The following ZBTB20 variants were observed in gnomAD, a reference collection of about 807,000 sequenced individuals.
ZBTB20 encodes the protein zinc finger and BTB domain-containing protein 20.
In ZBTB20, 9 loss-of-function variants were observed where a neutral mutation model predicts 56.9. That is an observed-to-expected ratio of 0.16 (90% CI 0.10 to 0.28). The LOEUF is 0.28. Ranked by LOEUF, ZBTB20 falls within the 10% of genes least tolerant of loss-of-function variation. The pLI, the probability that ZBTB20 is intolerant of heterozygous loss-of-function variation, is 1.00. For missense variants in ZBTB20, 655 were observed against 1,003.0 expected (o/e 0.65, Z 4.69); for synonymous variants, 417 against 420.7 (o/e 0.99, Z 0.11).
chr3:114,538,469 T>C (rs1185954653), intron 6 of ZBTB20, among the ~76,000 whole-genome samples: 1 of 152,154 alleles, frequency 6.6e-6, no homozygotes, highest in Non-Finnish European at 1.5e-5. Context: ...AGCTCTAACA[T>C]CTTAAATTTT....
chr3:114,798,134 T>TG (rs2071446549), intron 5 of ZBTB20, among the ~76,000 whole-genome samples: 1 of 151,832 alleles, frequency 6.6e-6, no homozygotes, highest in South Asian at 2.1e-4. Flanking sequence ...TACACACCCT[T>TG]GGGAAGTTTG....
intron 6 of ZBTB20, among the ~76,000 whole-genome samples, chr3:114,598,632 G>C (rs1391230035): frequency 3.3e-5 from 5 of 152,006 alleles, no homozygotes; most frequent in African/African-American, 1.2e-4. Context: ...TATTCTGTTT[G>C]AATTCTTCAA....
chr3:114,463,898 T>C (rs2092431279), intron 7 of ZBTB20, among the ~76,000 whole-genome samples: 1 of 152,330 alleles, frequency 6.6e-6, no homozygotes, highest in East Asian at 1.9e-4. Context: ...GTAAGTCCTC[T>C]AAAATGGAAG....
chr3:114,545,523 C>A (rs2049773412), intron 6 of ZBTB20, among the ~76,000 whole-genome samples: 1 of 152,130 alleles, frequency 6.6e-6, no homozygotes. Context: ...CTTTAAGCAA[C>A]AATTTTCTCA....
intron 5 of ZBTB20, among the ~76,000 whole-genome samples, chr3:114,754,416 G>C (rs933667209): frequency 1.3e-5 from 2 of 152,126 alleles, no homozygotes; most frequent in African/African-American, 2.4e-5. Context: ...CTGTGGGGAG[G>C]AGGAAGACCC....
Position 114,351,263 on chromosome 3 carries a change from G to T in ZBTB20, c.815C>A (p.Thr272Asn). ...YSGAVVSHHE[T>N]ALGLPRDHHM... ...GTGGTCGCGGGGCAGGCCGAGCGCA[G>T]TCTCGTGGTGGCTGACCACTGCGCC... The change falls in exon 11 of 12, where the codon ACT becomes AAT. Residue 272 changes from threonine (T) to asparagine (N), a missense_variant. Physicochemically the swap from Thr to Asn is moderately conservative, Grantham distance 65. Around this residue, in one of 10 missense-constraint regions of ZBTB20, gnomAD observed 167 missense variants for 281.9 expected, o/e 0.59. Transcript: ENST00000675478. 1 of 1,601,854 alleles carries T rather than the reference G, an allele frequency of 6.2e-7. No individual in the cohort carries two copies. The highest frequency in any genetic ancestry group is 8.5e-7 in the Non-Finnish European group (1 of 1,178,686).
At chr3:114,986,040 C>A (rs2078525386) in intron 2 of ZBTB20, among the ~76,000 whole-genome samples, 1 of 151,954 alleles carries the variant, frequency 6.6e-6, no homozygotes, top group South Asian at 2.1e-4. Flanking sequence ...ATCAGTGAAG[C>A]CTCCAAAGTT....
chr3:114,822,570 G>A (rs1290176141), intron 4 of ZBTB20, among the ~76,000 whole-genome samples: 1 of 151,906 alleles, frequency 6.6e-6, no homozygotes, highest in Non-Finnish European at 1.5e-5. Context: ...ATCAAAAATA[G>A]AACAAGCAAA....
intron 7 of ZBTB20, among the ~76,000 whole-genome samples, chr3:114,473,849 G>C (rs1367105766): frequency 6.6e-6 from 1 of 152,148 alleles, no homozygotes; most frequent in Non-Finnish European, 1.5e-5. Flanking sequence ...AGAGAAGTAA[G>C]AGGTACAGTG....
intron 7 of ZBTB20, among the ~76,000 whole-genome samples, chr3:114,485,229 T>C (rs1040350643): frequency 7.2e-5 from 11 of 152,194 alleles, no homozygotes; most frequent in African/African-American, 2.7e-4. Flanking sequence ...TTTACAAAAA[T>C]ACTTTTGCGA....
intron 1 of ZBTB20, among the ~76,000 whole-genome samples, chr3:115,118,703 A>ATTTGTTT (rs2084091765): frequency 1.2e-5 from 1 of 82,174 alleles, no homozygotes; most frequent in African/African-American, 4.9e-5. Flanking sequence ...CCTGGTACAA[A>ATTTGTTT]TTTTTTTTTT....
At chr3:114,827,924 T>C (rs975659074) in intron 4 of ZBTB20, among the ~76,000 whole-genome samples, 2 of 151,880 alleles carry the variant, frequency 1.3e-5, no homozygotes, top group African/African-American at 4.8e-5. Context: ...ATAGTACACT[T>C]GTGAGTTTCA....
intron 4 of ZBTB20, among the ~76,000 whole-genome samples, chr3:114,879,158 G>A (rs2107577704): frequency 6.6e-6 from 1 of 152,282 alleles, no homozygotes; most frequent in South Asian, 2.1e-4. Context: ...AGTGATAAGT[G>A]AAGAAATTCT....
At chr3:114,534,226 T>C (rs1346504479) in intron 6 of ZBTB20, among the ~76,000 whole-genome samples, 1 of 152,092 alleles carries the variant, frequency 6.6e-6, no homozygotes, top group Non-Finnish European at 1.5e-5. Context: ...ATCAGTGTGC[T>C]GCATTTAGGA....
At chr3:115,128,556 C>T (rs1278223843) in intron 1 of ZBTB20, among the ~76,000 whole-genome samples, 2 of 151,380 alleles carry the variant, frequency 1.3e-5, no homozygotes, top group Non-Finnish European at 2.9e-5. Flanking sequence ...CCTAGCTACT[C>T]GGGAGGCTGA....
At chr3:114,733,089 A>T (rs1212933035) in intron 5 of ZBTB20, among the ~76,000 whole-genome samples, 1 of 152,238 alleles carries the variant, frequency 6.6e-6, no homozygotes, top group African/African-American at 2.4e-5. Flanking sequence ...ATGTTCCAAC[A>T]TACACAAGAC....
intron 7 of ZBTB20, among the ~76,000 whole-genome samples, chr3:114,427,987 G>A (rs1356334658): frequency 6.6e-6 from 1 of 152,132 alleles, no homozygotes; most frequent in African/African-American, 2.4e-5. Context: ...AAAGTCACGG[G>A]GACTGGGGGG....
rs566432193 is a variant in ZBTB20, at chr3:114,590,438, G to A, written c.-294-90047C>T. On this transcript the variant is annotated intron_variant, in intron 6 of 11. Coordinates refer to ENST00000675478, the MANE Select transcript of ZBTB20 (RefSeq NM_001348800.3). ...CTGCACTCCAGCCTGCAGCCTGGGC[G>A]AAAGACTGAGACTCCGTCTCAAAAA... Among the ~76,000 whole-genome samples the A allele has an allele frequency of 3.3e-5, 5 of 151,206 alleles. No homozygotes were observed. In the East Asian group the frequency reaches 5.8e-4, roughly 18 times the overall value.
intron 5 of ZBTB20, among the ~76,000 whole-genome samples, chr3:114,736,397 A>C (rs887518263): frequency 6.6e-6 from 1 of 152,034 alleles, no homozygotes; most frequent in African/African-American, 2.4e-5. Context: ...TAACTTACTG[A>C]CTATATTTTC....
Sources: allele counts gnomAD v4.1 joint callset (sites outside exome capture counted in the v4.1 genomes callset), GRCh38; gene constraint gnomAD v4.1.1; regional missense constraint gnomAD v4.1.1; transcripts MANE v1.5; gene names NCBI Gene and HGNC (gene_info 2026-07-23, HGNC 2026-07-21).